Variants in FBXL2 observed in about 807,000 individuals in gnomAD.
The protein encoded by FBXL2 is F-box/LRR-repeat protein 2.
FBXL2 carries 38 observed loss-of-function variants against 69.2 expected under a neutral mutation model. That is an observed-to-expected ratio of 0.55 (90% CI 0.42 to 0.72). FBXL2 has a LOEUF of 0.72. FBXL2 is among the 30% of genes least tolerant of loss of function. The pLI, the probability that FBXL2 is intolerant of heterozygous loss-of-function variation, is 0.00. For synonymous variants in FBXL2, 192 were observed against 201.3 expected (o/e 0.95, Z 0.39); for missense variants, 354 against 520.3 (o/e 0.68, Z 3.11).
intron 1 of FBXL2, among the ~76,000 whole-genome samples, chr3:33,291,318 TA>T (rs2035204188): frequency 6.6e-6 from 1 of 152,168 alleles, no homozygotes; most frequent in African/African-American, 2.4e-5. Context: ...GAAATAAAGA[TA>T]TTTTTGACAG....
At chr3:33,343,505 C>T (rs772180023) in intron 2 of FBXL2, among the ~76,000 whole-genome samples, 21 of 151,850 alleles carry the variant, frequency 1.4e-4, no homozygotes, top group Non-Finnish European at 2.9e-4. Flanking sequence ...TATGTAAAAA[C>T]CTTAATTATA....
intron 2 of FBXL2, among the ~76,000 whole-genome samples, chr3:33,304,103 C>T (rs2036515730): frequency 6.6e-6 from 1 of 152,048 alleles, no homozygotes; most frequent in Admixed American, 6.6e-5. Context: ...CAAAAGCACA[C>T]TGAGGCATAT....
At chr3:33,422,000 A>C in the FBXL2 span, among the ~76,000 whole-genome samples, 1 of 152,288 alleles carries the variant, frequency 6.6e-6, no homozygotes, top group Admixed American at 6.5e-5. Flanking sequence ...GCAAGACTGC[A>C]TCGTTGCACT....
chr3:33,311,113 G>A (rs908368824), intron 2 of FBXL2, among the ~76,000 whole-genome samples: 26 of 152,166 alleles, frequency 1.7e-4, no homozygotes, highest in African/African-American at 6.0e-4. Flanking sequence ...CTATTCTCTT[G>A]TAGATTGTAA....
At chr3:33,305,279 GTGGTACATA>G (rs1168124921) in intron 2 of FBXL2, among the ~76,000 whole-genome samples, 1 of 151,814 alleles carries the variant, frequency 6.6e-6, no homozygotes, top group Non-Finnish European at 1.5e-5. Context: ...TTTAATCACT[GTGGTACATA>G]TGTTTATATA....
At chr3:33,309,682 A>T (rs1575146711) in intron 2 of FBXL2, among the ~76,000 whole-genome samples, 2 of 152,110 alleles carry the variant, frequency 1.3e-5, no homozygotes, top group Admixed American at 6.6e-5. Context: ...TAGATCCTTC[A>T]TTCTTCTTTT....
At chr3:33,294,070 A>C (rs1191799425) in intron 1 of FBXL2, among the ~76,000 whole-genome samples, 1 of 152,176 alleles carries the variant, frequency 6.6e-6, no homozygotes, top group East Asian at 1.9e-4. Flanking sequence ...ATAGAAGGAA[A>C]ACTGGAAAAT....
Position 33,280,572 on chromosome 3 carries a change from G to A in FBXL2, c.3+3057G>A, listed in dbSNP as rs570195483. 1.8e-4 allele frequency among the ~76,000 whole-genome samples: 28 copies of A among 152,036 alleles called. No individual in the cohort carries two copies. The South Asian group carries it at 5.6e-3, about 30-fold the overall frequency. The stretch of plus-strand genomic sequence containing the variant: ...AAAATTTGAAAAATTAGCCAGGCAT[G>A]GTGGTGCACGCCTGTGGTCCTACCT... On this transcript the variant is annotated intron_variant, in intron 1 of 14. Transcript: ENST00000484457.
chr3:33,359,204 A>C (rs1461724243), intron 3 of FBXL2, 79 bp from the exon 4 acceptor site: 10 of 1,274,516 alleles, frequency 7.8e-6, no homozygotes, highest in Middle Eastern at 1.9e-4. Flanking sequence ...AATAAAGGTT[A>C]ATCAAGACTT....
At chr3:33,392,447 CT>C, downstream of FBXL2, 1 of 875,004 alleles carries the variant, frequency 1.1e-6, no homozygotes, top group Non-Finnish European at 1.7e-6. Flanking sequence ...ATCAAACTTT[CT>C]TCTTAAAATG....
At chr3:33,319,524 A>C (rs2038014648) in intron 2 of FBXL2, among the ~76,000 whole-genome samples, 1 of 152,200 alleles carries the variant, frequency 6.6e-6, no homozygotes. Flanking sequence ...TTGAATTCTT[A>C]CATATTTACT....
chr3:33,396,794 A>C (rs1266895104), intron 12 of FBXL2: 1 of 648,472 alleles, frequency 1.5e-6, no homozygotes, highest in Non-Finnish European at 2.9e-6. Context: ...CGTCTTCAAG[A>C]AATCAGTACT....
chr3:33,278,561 A>G (rs1378015505), intron 1 of FBXL2, among the ~76,000 whole-genome samples: 1 of 152,180 alleles, frequency 6.6e-6, no homozygotes, highest in Non-Finnish European at 1.5e-5. Flanking sequence ...AAAAACTATC[A>G]TTAGGAATCC....
At chr3:33,344,222 A>G (rs1248250577) in intron 2 of FBXL2, among the ~76,000 whole-genome samples, 2 of 152,094 alleles carry the variant, frequency 1.3e-5, no homozygotes, top group Non-Finnish European at 2.9e-5. Context: ...ATGCAAATAA[A>G]TATCAAAGTA....
At chr3:33,304,486 G>C (rs1559512793) in intron 2 of FBXL2, among the ~76,000 whole-genome samples, 1 of 151,962 alleles carries the variant, frequency 6.6e-6, no homozygotes, top group East Asian at 1.9e-4. Context: ...ATTGGCTGTT[G>C]CTCATTCATT....
chr3:33,400,715 G>A (rs1471701103), intron 12 of FBXL2, among the ~76,000 whole-genome samples: 1 of 152,034 alleles, frequency 6.6e-6, no homozygotes, highest in Non-Finnish European at 1.5e-5. Context: ...TGGATTAAAG[G>A]GTGCAAACAA....
chr3:33,285,039 C>G (rs2034455872), intron 1 of FBXL2, among the ~76,000 whole-genome samples: 1 of 152,152 alleles, frequency 6.6e-6, no homozygotes, highest in Non-Finnish European at 1.5e-5. Flanking sequence ...AGCCCATTTA[C>G]ATTTAAGGTT....
At chr3:33,298,426 C>T (rs2035939950) in intron 2 of FBXL2, among the ~76,000 whole-genome samples, 1 of 152,078 alleles carries the variant, frequency 6.6e-6, no homozygotes, top group African/African-American at 2.4e-5. Flanking sequence ...AATCCCAGCA[C>T]TTTGGGAGGC....
intron 10 of FBXL2, among the ~76,000 whole-genome samples, chr3:33,376,313 AC>A (rs1437623880): frequency 6.6e-6 from 1 of 152,226 alleles, no homozygotes; most frequent in Non-Finnish European, 1.5e-5. Context: ...AAAAAAAGAT[AC>A]TTTTTAAAAA....
Sources: allele counts gnomAD v4.1 joint callset (sites outside exome capture counted in the v4.1 genomes callset), GRCh38; gene constraint gnomAD v4.1.1; transcripts MANE v1.5; gene names NCBI Gene and HGNC (gene_info 2026-07-23, HGNC 2026-07-21).